ITGAX: variants seen among roughly 807,000 people sequenced by gnomAD.
ITGAX encodes integrin subunit alpha X, also known as integrin alpha-X.
ITGAX carries 99 observed loss-of-function variants against 140.2 expected under a neutral mutation model. The ratio of observed to expected loss-of-function variants is 0.71; its 90% CI spans 0.60 to 0.83. The LOEUF is 0.83. Ranked by LOEUF, ITGAX falls within the 40% of genes least tolerant of loss-of-function variation. The pLI, the probability that ITGAX is intolerant of heterozygous loss-of-function variation, is 0.00. For synonymous variants in ITGAX, 631 were observed against 600.4 expected, an observed-to-expected ratio of 1.05 and a Z score of -0.75; for missense variants, 1,444 against 1,482.0, an observed-to-expected ratio of 0.97 and a Z score of 0.42.
chr16:31,372,451 C>A lies in ITGAX; in HGVS notation c.2234C>A (p.Ala745Asp). ...ACGCTGGTGGGCAAGCCCCTCCTTG[C>A]CTTCAGAAACCTGCGGCCTATGCTG... is the stretch of plus-strand genomic sequence containing the variant. ...NFTLVGKPLLAFRNLRPMLAA... is the reference protein window; with the variant it reads ...NFTLVGKPLLDFRNLRPMLAA... Residue 745 changes from alanine to aspartate, a missense_variant, in exon 18 of 30, where the codon GCC becomes GAC. Coordinates refer to ENST00000268296, the MANE Select transcript of ITGAX (RefSeq NM_000887.5). 1 of 1,608,104 alleles carries A rather than the reference C, an allele frequency of 6.2e-7. No individual in the cohort carries two copies.
chr16:31,371,418 G>C lies in ITGAX; in HGVS notation c.1926G>C (p.Gln642His), dbSNP rs879581677. 1 of 1,614,206 alleles carries C rather than the reference G, an allele frequency of 6.2e-7. No homozygotes were observed. The highest frequency in any genetic ancestry group is 8.5e-7 in the Non-Finnish European group (1 of 1,180,030). ...IPRSAFECRE[Q>H]VVSEQTLVQS... ...GGTCTGCGTTTGAGTGTCGGGAGCA[G>C]GTGGTCTCTGAGCAGACCCTGGTAC... Residue 642 changes from glutamine to histidine, a missense_variant, in exon 16 of 30, where the codon CAG becomes CAC. Physicochemically the swap from Gln to His is conservative, Grantham distance 24 (BLOSUM62 0). Coordinates refer to ENST00000268296, the MANE Select transcript of ITGAX (RefSeq NM_000887.5).
chr16:31,379,871 A>C lies in ITGAX; in HGVS notation c.2976+7A>C. The C allele has an allele frequency of 6.2e-7, 1 of 1,613,678 alleles. No homozygotes were observed. Among genetic ancestry groups the C allele is most frequent in the Non-Finnish European group, 8.5e-7 (1 of 1,179,644 alleles). On this transcript the variant is annotated splice_region_variant and intron_variant, in intron 25 of 29. Coordinates refer to ENST00000268296, the MANE Select transcript of ITGAX (RefSeq NM_000887.5). ...GGAGGTCTCCCACCCCCAGGTACCC[A>C]AGGACTGCATGTGGCTCCTCCACGA...
rs748554785 is a variant in ITGAX, at chr16:31,362,040, G to C, written c.1087-35G>C. On this transcript the variant is annotated intron_variant, in intron 10 of 29. Transcript: ENST00000268296. Reference sequence around the variant, plus strand: ...CTGGTACATGCTGTCTTCCTGCTCCGGCCTCTGCTCAGCCCTGGAATCCTT... The same window carrying C: ...CTGGTACATGCTGTCTTCCTGCTCCCGCCTCTGCTCAGCCCTGGAATCCTT... 5.8e-5 allele frequency: 94 copies of C among 1,613,834 alleles called. No individual in the cohort carries two copies. In the Admixed American group the frequency reaches 1.6e-3, roughly 27 times the overall value.
Position 31,360,377 on chromosome 16 carries a change from G to A in ITGAX, c.775G>A (p.Asp259Asn). 2 of 1,614,080 alleles carry A rather than the reference G, an allele frequency of 1.2e-6. No homozygotes were observed. Among genetic ancestry groups the A allele is most frequent in the Non-Finnish European group, 1.7e-6 (2 of 1,179,984 alleles). The change falls in exon 8 of 30, where the codon GAT becomes AAT. Residue 259 changes from aspartate (D) to asparagine (N), a missense_variant. Physicochemically the swap from Asp to Asn is conservative, Grantham distance 23 (BLOSUM62 1). Transcript: ENST00000268296. ...CGCCAAAATTCTCATTGTCATCACT[G>A]ATGGGAAGAAAGAAGGCGACAGCCT... ...DAAKILIVITDGKKEGDSLDY... is the reference protein window; with the variant it reads ...DAAKILIVITNGKKEGDSLDY...
chr16:31,361,250 C>T (rs760701431), intron 9 of ITGAX, 37 bp downstream of exon 9: 7 of 1,581,150 alleles, frequency 4.4e-6, no homozygotes, highest in Non-Finnish European at 6.0e-6. Context: ...GGGGAATCCT[C>T]AGCCGTTAAC....
chr16:31,355,639 T>C (rs894246111), intron 1 of ITGAX, among the ~76,000 whole-genome samples: 1 of 152,138 alleles, frequency 6.6e-6, no homozygotes, highest in Admixed American at 6.5e-5. Flanking sequence ...GAGGTGCACG[T>C]TGGGGAAAGA....
At chr16:31,379,181 A>G (rs1488793582) in intron 23 of ITGAX, among the ~76,000 whole-genome samples, 1 of 151,346 alleles carries the variant, frequency 6.6e-6, no homozygotes, top group East Asian at 1.9e-4. Flanking sequence ...CAGTGGCGTG[A>G]TCTGGGCTCA....
chr16:31,371,358 G>A lies in ITGAX; in HGVS notation c.1866G>A (p.Gly622=), dbSNP rs749117948. 6.2e-7 allele frequency: 1 copy of A among 1,614,064 alleles called. No individual in the cohort carries two copies. The highest frequency in any genetic ancestry group is 2.2e-5 in the East Asian group (1 of 44,898). ...LLRTRPVLWV[G]VSMQFIPAEI... ...GGACCAGACCTGTGCTCTGGGTGGG[G>A]GTGAGCATGCAGTTCATACCTGCCG... The change falls in exon 16 of 30, where the codon GGG becomes GGA. Residue 622 remains glycine, a synonymous_variant. Transcript: ENST00000268296.
Position 31,356,620 on chromosome 16 carries a change from C to G in ITGAX, c.144-5C>G, listed in dbSNP as rs554298187. On this transcript the variant is annotated splice_polypyrimidine_tract_variant and splice_region_variant and intron_variant, in intron 2 of 29. Coordinates refer to ENST00000268296, the MANE Select transcript of ITGAX (RefSeq NM_000887.5). Reference sequence around the variant, plus strand: ...TTACCTAAAGTGTTCTTTGTCTCCTCGCAGGGTGGTGGTTGGAGCCCCCCA... The same window carrying G: ...TTACCTAAAGTGTTCTTTGTCTCCTGGCAGGGTGGTGGTTGGAGCCCCCCA... 1 of 1,588,230 alleles carries G rather than the reference C, an allele frequency of 6.3e-7. No individual in the cohort carries two copies. The highest frequency in any genetic ancestry group is 8.6e-7 in the Non-Finnish European group (1 of 1,167,670).
chr16:31,381,950 C>T lies in ITGAX; in HGVS notation c.*43C>T, dbSNP rs747057764. On this transcript the variant is annotated 3_prime_UTR_variant, in exon 30 of 30. Transcript: ENST00000268296. ...ACTTCTTCTCCCCCGCGAGTTTTCC[C>T]CACTTACTTACCCTCACCTGTCAGG... 1.6e-6 allele frequency: 2 copies of T among 1,262,486 alleles called. No individual in the cohort carries two copies. Among genetic ancestry groups the T allele is most frequent in the South Asian group, 2.4e-5 (2 of 83,380 alleles). The allele number at this position is 1,262,486 out of a possible 1,614,324, so 78.2% of individuals were successfully genotyped here.
At chr16:31,366,474 G>T (rs1490869255) in intron 14 of ITGAX, among the ~76,000 whole-genome samples, 15 of 152,098 alleles carry the variant, frequency 9.9e-5, no homozygotes, top group Admixed American at 9.8e-4. Flanking sequence ...CTCTACAATG[G>T]TCTTTAAGTG....
chr16:31,357,646 C>T (rs757353172), intron 5 of ITGAX: 21 of 478,322 alleles, frequency 4.4e-5, no homozygotes, highest in Non-Finnish European at 6.6e-5. Context: ...CAGGATGATT[C>T]ATGGCCAGGG....
At chr16:31,375,291 C>T (rs1270664190) in intron 20 of ITGAX, among the ~76,000 whole-genome samples, 1 of 152,204 alleles carries the variant, frequency 6.6e-6, no homozygotes, top group Non-Finnish European at 1.5e-5. Flanking sequence ...ACTAGGATTA[C>T]AGGCGTAAGC....
At chr16:31,379,474 C>A in intron 23 of ITGAX, 94 bp from the exon 24 acceptor site, 1 of 1,224,750 alleles carries the variant, frequency 8.2e-7, no homozygotes, top group Non-Finnish European at 1.2e-6. Context: ...CATTCCAAGG[C>A]CCCACCGACC....
At chr16:31,378,103 G>A (rs1020579281) in intron 23 of ITGAX, among the ~76,000 whole-genome samples, 9 of 152,226 alleles carry the variant, frequency 5.9e-5, no homozygotes, top group Non-Finnish European at 1.2e-4. Context: ...AAGGGCTCAG[G>A]AGGTGTTAAA....
rs139553693 is a variant in ITGAX, at chr16:31,362,704, C to G, written c.1310C>G (p.Thr437Ser). 1 of 1,613,824 alleles carries G rather than the reference C, an allele frequency of 6.2e-7. No homozygotes were observed. Among genetic ancestry groups the G allele is most frequent in the African/African-American group, 1.3e-5 (1 of 74,886 alleles). Residue 437 changes from threonine to serine, a missense_variant, in exon 12 of 30, where the codon ACC (threonine) becomes AGC (serine). Thr to Ser is a moderately conservative substitution (Grantham distance 58, BLOSUM62 1). Transcript: ENST00000268296. ...CACACCGGGAAGGCTGTCATCTTCACCCAGGTGTCCAGGCAATGGAGGATG... is the reference window on the plus strand; with the variant it reads ...CACACCGGGAAGGCTGTCATCTTCAGCCAGGTGTCCAGGCAATGGAGGATG... The part of the protein sequence containing the change: ...YQHTGKAVIF[T>S]QVSRQWRMKA...
intron 2 of ITGAX, chr16:31,356,420 A>G (rs1324891203): frequency 9.5e-6 from 5 of 526,950 alleles, no homozygotes; most frequent in Non-Finnish European, 1.7e-5. Flanking sequence ...GTGAGCCACC[A>G]CACCCAGACT....
intron 14 of ITGAX, among the ~76,000 whole-genome samples, chr16:31,364,851 T>TC (rs762052422): frequency 2.9e-5 from 3 of 104,676 alleles, no homozygotes; most frequent in Non-Finnish European, 2.1e-5. Context: ...CTACTAAAAA[T>TC]ACAAAAAAAA....
intron 20 of ITGAX, among the ~76,000 whole-genome samples, chr16:31,375,989 C>CTG (rs2081015897): frequency 6.6e-6 from 1 of 152,126 alleles, no homozygotes; most frequent in South Asian, 2.1e-4. Context: ...ATTTTGTTGG[C>CTG]TGTGATTTGT....
Sources: allele counts gnomAD v4.1 joint callset (sites outside exome capture counted in the v4.1 genomes callset), GRCh38; gene constraint gnomAD v4.1.1; transcripts MANE v1.5; gene names NCBI Gene and HGNC (gene_info 2026-07-23, HGNC 2026-07-21).